EYA4: variants seen among roughly 807,000 people sequenced by gnomAD.
EYA4 encodes EYA transcriptional coactivator and phosphatase 4.
EYA4 carries 31 observed loss-of-function variants against 87.9 expected under a neutral mutation model. The ratio of observed to expected loss-of-function variants is 0.35; its 90% CI spans 0.27 to 0.48. EYA4 has a LOEUF of 0.48. Among genes scored for constraint, EYA4 ranks in the 20% least tolerant of loss-of-function variants. The probability of loss-of-function intolerance (pLI) is 0.99; values close to 1 mark genes in which losing one functional copy is unlikely to be tolerated. For missense variants in EYA4, 678 were observed against 761.4 expected (o/e 0.89, Z 1.29); for synonymous variants, 263 against 270.6 (o/e 0.97, Z 0.28).
intron 13 of EYA4, among the ~76,000 whole-genome samples, chr6:133,499,220 T>TC (rs1797898896): frequency 6.6e-6 from 1 of 152,150 alleles, no homozygotes; most frequent in Non-Finnish European, 1.5e-5. Flanking sequence ...ATCAACCCTC[T>TC]CCTAGGCATT....
rs148640976 is a variant in EYA4, at chr6:133,515,069, T to C, written c.1502-252T>C. 2.0e-4 allele frequency among the ~76,000 whole-genome samples: 30 copies of C among 152,296 alleles called. No homozygotes were observed. The South Asian group carries it at 6.0e-3, about 31-fold the overall frequency. On this transcript the variant is annotated intron_variant, in intron 16 of 19. Transcript: ENST00000355286. ...CCACTGCGCTAGATTGTAGGATCAG[T>C]GAGGGCAGAGACTGGGGCCACTTTT...
chr6:133,431,219 A>G (rs1053170676), intron 3 of EYA4, among the ~76,000 whole-genome samples: 2 of 152,164 alleles, frequency 1.3e-5, no homozygotes, highest in Admixed American at 6.5e-5. Flanking sequence ...AAGGCCTTAG[A>G]GACTGTGGGA....
rs115654699 is a variant in EYA4, at chr6:133,258,394, T to A, written c.-65-16322T>A. Among the ~76,000 whole-genome samples, 223 of 152,364 alleles carry A rather than the reference T, an allele frequency of 1.5e-3. 1 individual carries two copies. The highest frequency in any genetic ancestry group is 5.1e-3 in the African/African-American group (212 of 41,594). Reference sequence around the variant, plus strand: ...ATTCTTTTTTATTGCGATCTTTTTCTTACTAGTTTAACCAGTATTTTCCCG... The same window carrying A: ...ATTCTTTTTTATTGCGATCTTTTTCATACTAGTTTAACCAGTATTTTCCCG... On this transcript the variant is annotated intron_variant, in intron 1 of 19. Transcript: ENST00000355286.
At chr6:133,482,725 G>C (rs1796322232) in intron 12 of EYA4, among the ~76,000 whole-genome samples, 1 of 152,112 alleles carries the variant, frequency 6.6e-6, no homozygotes, top group Non-Finnish European at 1.5e-5. Context: ...AATATGTAGA[G>C]TTTCAAGCAT....
chr6:133,271,043 A>G (rs1007356247), intron 1 of EYA4, among the ~76,000 whole-genome samples: 1 of 152,090 alleles, frequency 6.6e-6, no homozygotes, highest in African/African-American at 2.4e-5. Context: ...TCGTGGGAAC[A>G]TTTTGCTAGT....
intron 14 of EYA4, among the ~76,000 whole-genome samples, chr6:133,508,595 T>C (rs75405371): frequency 0.026 from 3,898 of 152,252 alleles, 158 homozygotes; most frequent in African/African-American, 0.088. Context: ...GTGGAATAAA[T>C]GAACTTTTAG....
chr6:133,416,213 T>C (rs1789699714), intron 3 of EYA4, among the ~76,000 whole-genome samples: 1 of 152,164 alleles, frequency 6.6e-6, no homozygotes, highest in Admixed American at 6.5e-5. Context: ...TTGAAGAAGA[T>C]GAAATTGGAG....
At chr6:133,450,536 C>G in intron 5 of EYA4, among the ~76,000 whole-genome samples, 1 of 152,218 alleles carries the variant, frequency 6.6e-6, no homozygotes, top group South Asian at 2.1e-4. Flanking sequence ...TGGAGTCTCA[C>G]TCTGTCTACC....
chr6:133,532,030 G>A lies in EYA4; in HGVS notation c.*3225G>A, dbSNP rs1216799807. On this transcript the variant is annotated 3_prime_UTR_variant, in exon 20 of 20. Coordinates refer to ENST00000355286, the MANE Select transcript of EYA4 (RefSeq NM_004100.5). ...TTATTGGGGCCTACATAATTTAAAAGAAATGTAAATTAATATTAAAAGCTT... is the reference window on the plus strand; with the variant it reads ...TTATTGGGGCCTACATAATTTAAAAAAAATGTAAATTAATATTAAAAGCTT... 6.6e-6 allele frequency: 1 copy of A among 152,128 alleles called. No individual in the cohort carries two copies. Among genetic ancestry groups the A allele is most frequent in the Non-Finnish European group, 1.5e-5 (1 of 68,012 alleles). 9.4% of individuals were successfully genotyped at this position (152,128 alleles called of 1,614,324 possible).
chr6:133,451,124 T>A (rs1793401024), intron 5 of EYA4, among the ~76,000 whole-genome samples: 1 of 152,242 alleles, frequency 6.6e-6, no homozygotes, highest in African/African-American at 2.4e-5. Context: ...TCTGCTATTG[T>A]TGCACAAAAG....
At chr6:133,383,784 GAACT>G (rs1321905882) in intron 3 of EYA4, among the ~76,000 whole-genome samples, 2 of 151,958 alleles carry the variant, frequency 1.3e-5, no homozygotes, top group Non-Finnish European at 2.9e-5. Context: ...TATCAAAATG[GAACT>G]AACTAATTTT....
chr6:133,367,763 T>C (rs1319043676), intron 2 of EYA4, among the ~76,000 whole-genome samples: 2 of 152,218 alleles, frequency 1.3e-5, no homozygotes, highest in Non-Finnish European at 2.9e-5. Context: ...ATTTTGGCTA[T>C]CTTATTAACT....
chr6:133,257,675 A>C (rs979479079), intron 1 of EYA4, among the ~76,000 whole-genome samples: 1 of 152,210 alleles, frequency 6.6e-6, no homozygotes, highest in Admixed American at 6.5e-5. Flanking sequence ...ATAGGGTGAG[A>C]AACTGAAGTA....
At chr6:133,255,637 CTA>C (rs921792549) in intron 1 of EYA4, among the ~76,000 whole-genome samples, 14 of 151,844 alleles carry the variant, frequency 9.2e-5, no homozygotes, top group African/African-American at 1.2e-4. Flanking sequence ...AATGTAATAA[CTA>C]TGTGAGGATG....
At chr6:133,281,361 A>T (rs1397750815) in intron 2 of EYA4, among the ~76,000 whole-genome samples, 1 of 152,188 alleles carries the variant, frequency 6.6e-6, no homozygotes, top group South Asian at 2.1e-4. Context: ...TGTTGTGTAT[A>T]AGAAATCTTT....
At chr6:133,367,095 T>C (rs956940066) in intron 2 of EYA4, among the ~76,000 whole-genome samples, 4 of 152,204 alleles carry the variant, frequency 2.6e-5, no homozygotes, top group Non-Finnish European at 4.4e-5. Flanking sequence ...GGGTGCTTGA[T>C]AGATTACTAG....
chr6:133,403,852 C>G (rs1788467407), intron 3 of EYA4, among the ~76,000 whole-genome samples: 1 of 152,022 alleles, frequency 6.6e-6, no homozygotes, highest in African/African-American at 2.4e-5. Context: ...CCTTTGTTAC[C>G]CAGGCTGGAG....
chr6:133,299,744 TA>T (rs1274967652), intron 2 of EYA4, among the ~76,000 whole-genome samples: 7 of 148,536 alleles, frequency 4.7e-5, no homozygotes, highest in Admixed American at 6.7e-5. Context: ...TAAAATAAAA[TA>T]AAATAAAATA....
chr6:133,308,656 A>T (rs9399059), intron 2 of EYA4, among the ~76,000 whole-genome samples: 1 of 151,980 alleles, frequency 6.6e-6, no homozygotes, highest in Non-Finnish European at 1.5e-5. Context: ...TACTTATGAG[A>T]TGCGGTATTT....
Sources: gnomAD v4.1 joint callset for allele counts (sites outside exome capture counted in the v4.1 genomes callset) on GRCh38, gnomAD v4.1.1 for gene constraint, MANE v1.5 for transcripts, NCBI Gene and HGNC (gene_info 2026-07-23, HGNC 2026-07-21) for gene names.